The following COX4I1 variants were observed in gnomAD, a reference collection of about 807,000 sequenced individuals.
The protein encoded by COX4I1 is cytochrome c oxidase subunit 4I1.
A neutral mutation model predicts 21.7 loss-of-function variants in COX4I1; 18 were observed. That is an observed-to-expected ratio of 0.83 (90% confidence interval 0.57 to 1.23). The LOEUF (loss-of-function observed/expected upper bound fraction) is 1.23, where lower values mean the gene tolerates loss of function less well. Among genes scored for constraint, COX4I1 ranks in the 50% most tolerant of loss-of-function variants. The pLI, the probability that COX4I1 is intolerant of heterozygous loss-of-function variation, is 0.00. For missense variants in COX4I1, 238 were observed against 220.7 expected, an observed-to-expected ratio of 1.08 and a Z score of -0.50; for synonymous variants, 100 against 81.5, an observed-to-expected ratio of 1.23 and a Z score of -1.23.
chr16:85,804,916 T>C, intron 2 of COX4I1, 21 bp from the exon 3 acceptor site: 7 of 1,590,976 alleles, frequency 4.4e-6, no homozygotes, highest in Non-Finnish European at 6.0e-6. Flanking sequence ...TTTTCAAAGA[T>C]TTATTCAATA....
In COX4I1 at chr16:85,806,860, G is replaced by C. The variant is rs560428992; in HGVS notation, c.496G>C (p.Glu166Gln). ...LASKWDYEKN[E>Q]WKK ...CTCCAAGTGGGACTACGAAAAGAAC[G>C]AGTGGAAGAAGTGAGAGATGCTGGC... The change falls in exon 5 of 5, where the codon GAG (glutamate) becomes CAG (glutamine). Residue 166 changes from glutamate (E) to glutamine (Q), a missense_variant. By Grantham distance (29) the Glu-to-Gln change is conservative (BLOSUM62 2). Coordinates refer to ENST00000253452, the MANE Select transcript of COX4I1 (RefSeq NM_001861.6). The C allele has an allele frequency of 1.2e-6, 2 of 1,613,728 alleles. No individual in the cohort carries two copies. Among genetic ancestry groups the C allele is most frequent in the Non-Finnish European group, 1.7e-6 (2 of 1,179,768 alleles).
intron 2 of COX4I1, chr16:85,803,942 C>T (rs1181267257): frequency 6.6e-6 from 1 of 152,268 alleles, no homozygotes; most frequent in Non-Finnish European, 1.5e-5. Flanking sequence ...TTTTTCCAAA[C>T]ATGTGATTTG....
At chr16:85,800,449 G>C (rs1239412769) in intron 1 of COX4I1, among the ~76,000 whole-genome samples, 1 of 152,172 alleles carries the variant, frequency 6.6e-6, no homozygotes, top group African/African-American at 2.4e-5. Context: ...TCCCCTTCTA[G>C]TCTATGTACA....
intron 2 of COX4I1, among the ~76,000 whole-genome samples, chr16:85,802,582 A>G (rs934523780): frequency 2.6e-5 from 4 of 152,208 alleles, no homozygotes; most frequent in East Asian, 1.9e-4. Flanking sequence ...CTGGAATACC[A>G]TCAGCCGTCA....
Position 85,806,997 on chromosome 16 carries a change from C to A in COX4I1, c.*123C>A, listed in dbSNP as rs1016015957. The A allele has an allele frequency of 1.9e-6, 2 of 1,034,466 alleles. No individual in the cohort carries two copies. The highest frequency in any genetic ancestry group is 2.8e-6 in the Non-Finnish European group (2 of 714,246). The allele number at this position is 1,034,466 out of a possible 1,614,324, so 64.1% of individuals were successfully genotyped here. On this transcript the variant is annotated 3_prime_UTR_variant, in exon 5 of 5. Coordinates refer to ENST00000253452, the MANE Select transcript of COX4I1 (RefSeq NM_001861.6). The stretch of plus-strand genomic sequence containing the variant: ...CACTGCTAATAAATGACCAGTTTAC[C>A]TGAAACCCTTTGTGATCAGTTCTTT...
intron 4 of COX4I1, 166 bp downstream of exon 4, chr16:85,806,030 A>G: frequency 1.2e-5 from 11 of 940,302 alleles, no homozygotes; most frequent in Non-Finnish European, 1.7e-5. Context: ...TGGAGAACTG[A>G]AGTCGTGGGA....
chr16:85,800,058 G>A (rs1243050828), intron 1 of COX4I1, among the ~76,000 whole-genome samples: 4 of 150,950 alleles, frequency 2.6e-5, no homozygotes. Context: ...AGGCGGGCCC[G>A]CGCTCTGTGC....
rs146862566 is a variant in COX4I1 at position 85,805,825 on chromosome 16, G to T, written c.334G>T (p.Gly112Cys). ...TGTGGGCGGTGCCATGTTCTTCATC[G>T]GTTTCACCGCGCTCGTTATCATGTG... is the stretch of plus-strand genomic sequence containing the variant. ...TVVGGAMFFIGFTALVIMWQK... is the reference protein window; with the variant it reads ...TVVGGAMFFICFTALVIMWQK... The change falls in exon 4 of 5, where the codon GGT becomes TGT. Residue 112 changes from glycine (G) to cysteine (C), a missense_variant. Gly to Cys is a radical substitution (Grantham distance 159). Coordinates refer to ENST00000253452, the MANE Select transcript of COX4I1 (RefSeq NM_001861.6). 5.0e-6 allele frequency: 8 copies of T among 1,614,118 alleles called. No individual in the cohort carries two copies. In the African/African-American group the frequency reaches 9.3e-5, roughly 19 times the overall value.
chr16:85,801,637 C>G (rs1428459943), intron 2 of COX4I1, among the ~76,000 whole-genome samples: 1 of 152,188 alleles, frequency 6.6e-6, no homozygotes, highest in African/African-American at 2.4e-5. Context: ...TGCATCACCT[C>G]TGTTTACATT....
rs578220606 is a variant in COX4I1 at position 85,801,900 on chromosome 16, C to T, written c.73+622C>T. On this transcript the variant is annotated intron_variant, in intron 2 of 4. Transcript: ENST00000253452. ...TGAAATACACACACTTTCCAGGAGG[C>T]TGTTTGCAATCTGAAGAGGGACGGA... Among the ~76,000 whole-genome samples, 283 of 152,140 alleles carry T rather than the reference C, an allele frequency of 1.9e-3. 1 individual carries two copies. The highest frequency in any genetic ancestry group is 2.8e-3 in the Non-Finnish European group (189 of 67,998).
intron 2 of COX4I1, among the ~76,000 whole-genome samples, chr16:85,802,063 T>C (rs1905807963): frequency 1.3e-5 from 2 of 152,172 alleles, no homozygotes; most frequent in South Asian, 2.1e-4. Context: ...CCTGCCTGGT[T>C]AGAGCTGGTC....
chr16:85,804,884 G>A (rs1019814570), intron 2 of COX4I1, 53 bp from the exon 3 acceptor site: 2 of 1,525,930 alleles, frequency 1.3e-6, no homozygotes, highest in Non-Finnish European at 1.8e-6. Context: ...ATCACCTTGG[G>A]GTGACTCTCA....
chr16:85,801,972 A>T (rs1380695001), intron 2 of COX4I1, among the ~76,000 whole-genome samples: 8 of 152,106 alleles, frequency 5.3e-5, no homozygotes, highest in Non-Finnish European at 1.2e-4. Context: ...GGGTAGAAGC[A>T]TTTAGCCCGA....
In COX4I1 at chr16:85,804,984, C is replaced by T. The variant is rs769159647; in HGVS notation, c.121C>T (p.Arg41Trp). ...EDFSLPAYMD[R>W]RDHPLPEVAH... Reference sequence around the variant, plus strand: ...CTTTTCGCTCCCAGCTTATATGGATCGGCGTGACCACCCCTTGCCGGAGGT... The same window carrying T: ...CTTTTCGCTCCCAGCTTATATGGATTGGCGTGACCACCCCTTGCCGGAGGT... The change falls in exon 3 of 5, where the codon CGG (arginine) becomes TGG (tryptophan). Residue 41 changes from arginine (R) to tryptophan (W), a missense_variant. Transcript: ENST00000253452. 6 of 1,613,922 alleles carry T rather than the reference C, an allele frequency of 3.7e-6. No individual in the cohort carries two copies. The highest frequency in any genetic ancestry group is 1.6e-4 in the Middle Eastern group (1 of 6,076).
In COX4I1 at chr16:85,800,361, A is replaced by AG. The variant is rs902421296; in HGVS notation, c.-2+616dup. On this transcript the variant is annotated intron_variant, in intron 1 of 4. Coordinates refer to ENST00000253452, the MANE Select transcript of COX4I1 (RefSeq NM_001861.6). ...GCCTGAATAGAGGAGGGCCCGGGTGAGGGGGGGTCTCATAGGTTTTCCGCT... is the reference window on the plus strand; with the variant it reads ...GCCTGAATAGAGGAGGGCCCGGGTGAGGGGGGGGTCTCATAGGTTTTCCGCT... 6.0e-4 allele frequency among the ~76,000 whole-genome samples: 91 copies of AG among 152,276 alleles called. 1 individual carries two copies. The highest frequency in any genetic ancestry group is 1.2e-3 in the Admixed American group (18 of 15,306).
chr16:85,805,491 CA>C (rs1906117626), intron 3 of COX4I1: 1 of 583,318 alleles, frequency 1.7e-6, no homozygotes, highest in African/African-American at 1.9e-5. Flanking sequence ...AATAATTTTG[CA>C]GTTTTAATTT....
chr16:85,804,371 A>G (rs1288953584), intron 2 of COX4I1: 1 of 151,788 alleles, frequency 6.6e-6, no homozygotes, highest in Non-Finnish European at 1.5e-5. Flanking sequence ...TTATTTTTTT[A>G]TTTTGAGACG....
chr16:85,805,676 C>A, intron 3 of COX4I1, 57 bp from the exon 4 acceptor site: 1 of 1,603,804 alleles, frequency 6.2e-7, no homozygotes, highest in Non-Finnish European at 8.5e-7. Flanking sequence ...TTGAATGTTG[C>A]AGAGGAGGGA....
At chr16:85,803,818 C>T (rs2733959) in intron 2 of COX4I1, 148,536 of 152,384 alleles carry the variant, frequency 0.97, 72,498 homozygotes, top group Middle Eastern at 1. Flanking sequence ...CCTGAGTGCA[C>T]GCTTCCTCTG....
Sources: allele counts gnomAD v4.1 joint callset (sites outside exome capture counted in the v4.1 genomes callset), GRCh38; gene constraint gnomAD v4.1.1; transcripts MANE v1.5; gene names NCBI Gene and HGNC (gene_info 2026-07-23, HGNC 2026-07-21).